The following PTPRD variants were observed in gnomAD, a reference collection of about 807,000 sequenced individuals.
PTPRD encodes the protein protein tyrosine phosphatase receptor type D.
PTPRD carries 34 observed loss-of-function variants against 214.5 expected under a neutral mutation model. The observed-to-expected ratio is 0.16, with a 90% CI of 0.12 to 0.21. PTPRD has a LOEUF of 0.21. PTPRD is among the 10% of genes least tolerant of loss of function. The pLI, the probability that PTPRD is intolerant of heterozygous loss-of-function variation, is 1.00. For synonymous variants in PTPRD, 1,128 were observed against 845.7 expected (o/e 1.33, Z -5.79); for missense variants, 2,545 against 2,398.7 (o/e 1.06, Z -1.27).
rs6150905 is a variant in PTPRD at position 8,374,114 on chromosome 9, C to CTGTG, written c.4661+1818_4661+1821dup. On this transcript the variant is annotated intron_variant, in intron 39 of 45. Coordinates refer to ENST00000381196, the MANE Select transcript of PTPRD (RefSeq NM_002839.4). ...TTTAAACATATAATTACACACGTGT[C>CTGTG]TGTGTGTGTGTGTGTGTGTGTGTGT... 4.6e-3 allele frequency among the ~76,000 whole-genome samples: 657 copies of CTGTG among 142,898 alleles called. 3 individuals are homozygous for CTGTG. The highest frequency in any genetic ancestry group is 0.011 in the African/African-American group (448 of 39,566). The allele number at this position is 142,898 out of a possible 152,430, so 93.7% of individuals were successfully genotyped here.
Position 8,733,789 on chromosome 9 carries a change from C to G in PTPRD, c.55G>C (p.Asp19His), listed in dbSNP as rs1249636201. The G allele has an allele frequency of 1.9e-6, 3 of 1,552,770 alleles. No homozygotes were observed. The highest frequency in any genetic ancestry group is 2.6e-6 in the Non-Finnish European group (3 of 1,147,510). Reference protein sequence around the residue: ...LLLLTFFLRTDAETPPRFTRT... With the variant: ...LLLLTFFLRTHAETPPRFTRT... The stretch of plus-strand genomic sequence containing the variant: ...GGGGAGAATGGCTTACTCTCAGCAT[C>G]CGTGCGGAGGAAGAAAGTGAGGAGC... The change falls in exon 12 of 46, where the codon GAT (aspartate) becomes CAT (histidine). Residue 19 changes from aspartate (D) to histidine (H), a missense_variant. Transcript: ENST00000381196.
intron 3 of PTPRD, among the ~76,000 whole-genome samples, chr9:10,088,890 T>G (rs2098393771): frequency 6.6e-6 from 1 of 151,538 alleles, no homozygotes; most frequent in Non-Finnish European, 1.5e-5. Context: ...GATGGAAATA[T>G]TCTGGTGGTG....
intron 36 of PTPRD, among the ~76,000 whole-genome samples, chr9:8,393,156 A>G (rs77268406): frequency 0.013 from 1,939 of 152,224 alleles, 55 homozygotes; most frequent in African/African-American, 0.044. Flanking sequence ...TTCTCTAAGT[A>G]GTGCATATTT....
intron 3 of PTPRD, among the ~76,000 whole-genome samples, chr9:10,242,336 T>A (rs2091242160): frequency 6.6e-6 from 1 of 152,030 alleles, no homozygotes; most frequent in South Asian, 2.1e-4. Flanking sequence ...AACTTTAGGC[T>A]GAAATGTTGA....
At chr9:9,300,862 G>A (rs942421324) in intron 9 of PTPRD, among the ~76,000 whole-genome samples, 2 of 151,800 alleles carry the variant, frequency 1.3e-5, no homozygotes, top group African/African-American at 4.8e-5. Flanking sequence ...TTGAAAATTA[G>A]GGGTACTTGC....
chr9:9,218,752 T>TGA (rs751650736), intron 9 of PTPRD, among the ~76,000 whole-genome samples: 11 of 152,180 alleles, frequency 7.2e-5, no homozygotes, highest in Non-Finnish European at 1.3e-4. Flanking sequence ...TCTTCTAGTA[T>TGA]GAGAATACAA....
At chr9:10,171,451 C>T (rs891527622) in intron 3 of PTPRD, among the ~76,000 whole-genome samples, 2 of 152,070 alleles carry the variant, frequency 1.3e-5, no homozygotes, top group African/African-American at 2.4e-5. Context: ...TGATTTGAGG[C>T]GTCCCCAGCC....
chr9:9,830,734 AGTC>A (rs2054553880), intron 5 of PTPRD, among the ~76,000 whole-genome samples: 1 of 151,962 alleles, frequency 6.6e-6, no homozygotes, highest in African/African-American at 2.4e-5. Context: ...AATGGTGTGA[AGTC>A]CACTGATGTG....
intron 5 of PTPRD, among the ~76,000 whole-genome samples, chr9:9,795,955 A>T (rs144670018): frequency 2.6e-5 from 4 of 152,176 alleles, no homozygotes; most frequent in Non-Finnish European, 5.9e-5. Flanking sequence ...TATGTGAAGA[A>T]TATATCAATG....
In PTPRD at chr9:9,492,720, AT is replaced by A. The variant is rs879413090; in HGVS notation, c.-237+82011del. 9.8e-3 allele frequency among the ~76,000 whole-genome samples: 1,438 copies of A among 146,724 alleles called. 23 individuals carry two copies. The highest frequency in any genetic ancestry group is 0.03 in the African/African-American group (1,209 of 40,156). On this transcript the variant is annotated intron_variant, in intron 8 of 45. Transcript: ENST00000381196. Reference sequence around the variant, plus strand: ...TGGTTCACTTTATTGCACTTCACAGATTTTTTTTTTTCCAGATTGGAGGTTT... The same window carrying A: ...TGGTTCACTTTATTGCACTTCACAGATTTTTTTTTTCCAGATTGGAGGTTT...
intron 9 of PTPRD, among the ~76,000 whole-genome samples, chr9:9,292,397 A>G (rs991046474): frequency 6.6e-6 from 1 of 151,604 alleles, no homozygotes; most frequent in Non-Finnish European, 1.5e-5. Context: ...CATACATTGT[A>G]TATCAGTAAC....
At chr9:10,093,857 T>G (rs1237476050) in intron 3 of PTPRD, among the ~76,000 whole-genome samples, 1 of 151,498 alleles carries the variant, frequency 6.6e-6, no homozygotes, top group Non-Finnish European at 1.5e-5. Context: ...ATACTGCATG[T>G]TCTCACTTGT....
chr9:10,322,638 G>A (rs572318759), intron 3 of PTPRD, among the ~76,000 whole-genome samples: 2 of 151,994 alleles, frequency 1.3e-5, no homozygotes, highest in African/African-American at 4.8e-5. Flanking sequence ...AAAATATTTA[G>A]AAATAAATTA....
At chr9:9,313,682 C>G (rs1051028869) in intron 9 of PTPRD, among the ~76,000 whole-genome samples, 7 of 152,100 alleles carry the variant, frequency 4.6e-5, no homozygotes, top group Non-Finnish European at 1.0e-4. Flanking sequence ...GAAGGTCAGG[C>G]AGAGAAGGTG....
chr9:10,458,652 T>C (rs998016074), intron 2 of PTPRD, among the ~76,000 whole-genome samples: 1 of 152,178 alleles, frequency 6.6e-6, no homozygotes, highest in Non-Finnish European at 1.5e-5. Flanking sequence ...ATGCCCATTC[T>C]TGCCACTTCT....
intron 5 of PTPRD, among the ~76,000 whole-genome samples, chr9:9,924,731 C>A (rs192067263): frequency 6.6e-6 from 1 of 152,032 alleles, no homozygotes; most frequent in South Asian, 2.1e-4. Flanking sequence ...CTTCGTATCT[C>A]TAAAAATAAT....
intron 2 of PTPRD, among the ~76,000 whole-genome samples, chr9:10,607,535 G>A (rs1250658958): frequency 1.3e-5 from 2 of 151,670 alleles, no homozygotes; most frequent in Non-Finnish European, 1.5e-5. Context: ...AGCTATATTG[G>A]CTATATTTTA....
At chr9:8,934,478 A>ATATAAATAT (rs2098979878) in intron 11 of PTPRD, among the ~76,000 whole-genome samples, 5 of 8,478 alleles carry the variant, frequency 5.9e-4, no homozygotes, top group South Asian at 5.3e-3. Flanking sequence ...TATATATATA[A>ATATAAATAT]ATATATATAT....
chr9:8,702,162 T>C (rs372801729), intron 12 of PTPRD, among the ~76,000 whole-genome samples: 9 of 152,260 alleles, frequency 5.9e-5, no homozygotes, highest in African/African-American at 2.2e-4. Context: ...AGACGGTTGC[T>C]TGGATTTTTC....
Sources: gnomAD v4.1 joint callset for allele counts (sites outside exome capture counted in the v4.1 genomes callset) on GRCh38, gnomAD v4.1.1 for gene constraint, MANE v1.5 for transcripts, NCBI Gene and HGNC (gene_info 2026-07-23, HGNC 2026-07-21) for gene names.